Variants in PRMT8 observed in about 807,000 individuals in gnomAD.
The protein encoded by PRMT8 is protein arginine methyltransferase 8, also known as protein arginine N-methyltransferase 8.
PRMT8 carries 7 observed loss-of-function variants against 47.1 expected under a neutral mutation model. The ratio of observed to expected loss-of-function variants is 0.15; its 90% CI spans 0.08 to 0.28. The LOEUF is 0.28. PRMT8 is among the 10% of genes least tolerant of loss of function. The probability of loss-of-function intolerance (pLI) is 1.00; values close to 1 mark genes in which losing one functional copy is unlikely to be tolerated. For synonymous variants in PRMT8, 188 were observed against 186.5 expected (o/e 1.01, Z -0.07); for missense variants, 237 against 505.4 (o/e 0.47, Z 5.09).
chr12:3,549,131 A>G lies in PRMT8; in HGVS notation c.262-805A>G, dbSNP rs1866374986. Among the ~76,000 whole-genome samples the G allele has an allele frequency of 2.6e-5, 4 of 152,302 alleles. No homozygotes were observed. The South Asian group carries it at 8.3e-4, about 32-fold the overall frequency. On this transcript the variant is annotated intron_variant, in intron 2 of 9. Coordinates refer to ENST00000382622, the MANE Select transcript of PRMT8 (RefSeq NM_019854.5). ...TCTTGGGAGAGGCTGAAGATTGACT[A>G]CAAAAGGGCATGAAGGACTTTCTGG...
chr12:3,442,291 C>G (rs1864811232), intron 1 of PRMT8, among the ~76,000 whole-genome samples: 1 of 151,874 alleles, frequency 6.6e-6, no homozygotes, highest in African/African-American at 2.4e-5. Flanking sequence ...GTTATTTTTT[C>G]TTTTGAACCG....
intron 1 of PRMT8, among the ~76,000 whole-genome samples, chr12:3,425,707 A>G (rs1444133786): frequency 2.0e-5 from 3 of 152,262 alleles, no homozygotes; most frequent in Non-Finnish European, 4.4e-5. Flanking sequence ...GCATCTAAAT[A>G]GATGTGAGTG....
At chr12:3,382,753 A>G (rs1864104574) in intron 1 of PRMT8, among the ~76,000 whole-genome samples, 1 of 152,192 alleles carries the variant, frequency 6.6e-6, no homozygotes, top group Non-Finnish European at 1.5e-5. Flanking sequence ...TCCTTTTATG[A>G]AACATGCTTT....
chr12:3,422,614 C>G (rs972857954), intron 1 of PRMT8, among the ~76,000 whole-genome samples: 1 of 152,088 alleles, frequency 6.6e-6, no homozygotes, highest in Non-Finnish European at 1.5e-5. Flanking sequence ...CAGGACGGAA[C>G]AGAACAGAAC....
At chr12:3,432,060 A>C (rs1253704215) in intron 1 of PRMT8, among the ~76,000 whole-genome samples, 2 of 152,298 alleles carry the variant, frequency 1.3e-5, no homozygotes, top group African/African-American at 4.8e-5. Flanking sequence ...AGTGCCCCCA[A>C]GTCCCCCTAG....
At chr12:3,496,214 A>ATATATATATTTTTT in intron 1 of PRMT8, among the ~76,000 whole-genome samples, 2 of 27,770 alleles carry the variant, frequency 7.2e-5, no homozygotes, top group African/African-American at 8.8e-5. Context: ...ATATATATAT[A>ATATATATATTTTTT]TTTTTTTTTT....
chr12:3,451,249 T>C (rs1183011521), intron 1 of PRMT8, among the ~76,000 whole-genome samples: 1 of 152,090 alleles, frequency 6.6e-6, no homozygotes, highest in Non-Finnish European at 1.5e-5. Context: ...GAAGGGCCCT[T>C]TGAGATGCTT....
intron 8 of PRMT8, among the ~76,000 whole-genome samples, chr12:3,591,427 T>C (rs1197702053): frequency 6.7e-6 from 1 of 149,938 alleles, no homozygotes; most frequent in African/African-American, 2.5e-5. Context: ...TTTTTTTTTT[T>C]TGAGACAGGG....
chr12:3,395,734 G>A (rs1401898386), intron 1 of PRMT8, among the ~76,000 whole-genome samples: 2 of 149,280 alleles, frequency 1.3e-5, no homozygotes, highest in Non-Finnish European at 3.0e-5. Flanking sequence ...AGGTCTGCTT[G>A]GTGCAGAGCT....
chr12:3,387,039 A>G (rs1167495179), intron 1 of PRMT8, among the ~76,000 whole-genome samples: 1 of 152,154 alleles, frequency 6.6e-6, no homozygotes, highest in Non-Finnish European at 1.5e-5. Flanking sequence ...GTTTCCTCCA[A>G]TAGGCTATGA....
intron 1 of PRMT8, among the ~76,000 whole-genome samples, chr12:3,442,689 C>T (rs1007234386): frequency 6.6e-6 from 1 of 152,182 alleles, no homozygotes; most frequent in African/African-American, 2.4e-5. Flanking sequence ...GATAGAGTCT[C>T]ACTCTGTCAC....
rs114424313 is a variant in PRMT8, at chr12:3,457,272, G to C, written c.48+75830G>C. On this transcript the variant is annotated intron_variant, in intron 1 of 9. Coordinates refer to the PRMT8 transcript ENST00000452611. The stretch of plus-strand genomic sequence containing the variant: ...AGCCACAAGCTCTCAGTTCTCAACT[G>C]CTGTTCTGGGAGAATGTCCTGACTT... Among the ~76,000 whole-genome samples, 1,339 of 152,250 alleles carry C rather than the reference G, an allele frequency of 8.8e-3. 18 individuals carry two copies. Among genetic ancestry groups the C allele is most frequent in the African/African-American group, 0.031 (1,268 of 41,530 alleles).
At chr12:3,512,808 A>G (rs1317441883) in intron 1 of PRMT8, among the ~76,000 whole-genome samples, 1 of 152,192 alleles carries the variant, frequency 6.6e-6, no homozygotes, top group African/African-American at 2.4e-5. Flanking sequence ...TAAATGAACT[A>G]TGGGTAGAGA....
At chr12:3,393,349 A>G (rs373246203) in intron 1 of PRMT8, among the ~76,000 whole-genome samples, 1 of 148,808 alleles carries the variant, frequency 6.7e-6, no homozygotes, top group African/African-American at 2.5e-5. Flanking sequence ...GGTTTTAGGT[A>G]TAACGTTTAA....
upstream of PRMT8, among the ~76,000 whole-genome samples, chr12:3,487,783 GT>G (rs1311240118): frequency 6.6e-6 from 1 of 152,196 alleles, no homozygotes; most frequent in East Asian, 1.9e-4. Context: ...TGGGGTTCTT[GT>G]TTTGGATCTT....
intron 1 of PRMT8, among the ~76,000 whole-genome samples, chr12:3,506,861 G>T (rs2137124765): frequency 6.6e-6 from 1 of 152,238 alleles, no homozygotes; most frequent in East Asian, 1.9e-4. Context: ...AGAAACTGAG[G>T]CATGGATAGG....
At chr12:3,515,133 G>A in intron 1 of PRMT8, among the ~76,000 whole-genome samples, 1 of 152,204 alleles carries the variant, frequency 6.6e-6, no homozygotes, top group Admixed American at 6.5e-5. Flanking sequence ...AGGATAACAA[G>A]GTTTCAAACA....
Position 3,400,044 on chromosome 12 carries a change from C to T in PRMT8, c.48+18602C>T, listed in dbSNP as rs981970328. Among the ~76,000 whole-genome samples, 18 of 152,024 alleles carry T rather than the reference C, an allele frequency of 1.2e-4. 1 individual carries two copies. Among genetic ancestry groups the T allele is most frequent in the African/African-American group, 4.1e-4 (17 of 41,398 alleles). ...AGGAGGAAATTTATAGCACTAAATA[C>T]CCACATTGAAAAGCTAGAAAGATCT... On this transcript the variant is annotated intron_variant, in intron 1 of 9. Coordinates refer to the PRMT8 transcript ENST00000452611.
rs539373372 is a variant in PRMT8, at chr12:3,491,898, G to T, written c.75+198G>T. ...TGTGTGTGTGTGTGTGTTGGTGGGG[G>T]GTGGGGGGGAAGTTCATGTCTCAGG... On this transcript the variant is annotated intron_variant, in intron 1 of 9. Transcript: ENST00000382622. Among the ~76,000 whole-genome samples the T allele has an allele frequency of 1.0e-3, 152 of 146,518 alleles. 3 individuals are homozygous for T. Among genetic ancestry groups the T allele is most frequent in the Non-Finnish European group, 1.8e-3 (122 of 66,176 alleles).
Sources: gnomAD v4.1 joint callset for allele counts (sites outside exome capture counted in the v4.1 genomes callset) on GRCh38, gnomAD v4.1.1 for gene constraint, MANE v1.5 for transcripts, NCBI Gene and HGNC (gene_info 2026-07-23, HGNC 2026-07-21) for gene names.